The following RGS6 variants were observed in gnomAD, a reference collection of about 807,000 sequenced individuals.
The protein encoded by RGS6 is regulator of G protein signaling 6.
Under a neutral mutation model 78.5 loss-of-function variants are expected in RGS6, and 30 were observed. The ratio of observed to expected loss-of-function variants is 0.38; its 90% confidence interval spans 0.29 to 0.52. The LOEUF (loss-of-function observed/expected upper bound fraction) is 0.52. Ranked by LOEUF, RGS6 falls within the 20% of genes least tolerant of loss-of-function variation. The pLI, the probability that RGS6 is intolerant of heterozygous loss-of-function variation, is 0.85. For missense variants in RGS6, 495 were observed against 609.7 expected (o/e 0.81, Z 1.98); for synonymous variants, 206 against 206.0 (o/e 1.00, Z 0.00).
the RGS6 span, among the ~76,000 whole-genome samples, chr14:71,896,663 C>T: frequency 3.9e-5 from 6 of 152,150 alleles, no homozygotes; most frequent in African/African-American, 1.4e-4. Flanking sequence ...CTGACAAATG[C>T]CTCTGACAAA....
At chr14:72,230,495 A>G (rs2049278035) in intron 2 of RGS6, among the ~76,000 whole-genome samples, 1 of 152,202 alleles carries the variant, frequency 6.6e-6, no homozygotes, top group Non-Finnish European at 1.5e-5. Context: ...AGGACTGCTA[A>G]GAGATATTGA....
chr14:71,947,355 C>A (rs994565174), intron 1 of RGS6, among the ~76,000 whole-genome samples: 2 of 152,172 alleles, frequency 1.3e-5, no homozygotes, highest in African/African-American at 4.8e-5. Context: ...GCTGCCAATT[C>A]CAGGTTTTCA....
chr14:72,456,954 T>A (rs1183571982), intron 4 of RGS6, among the ~76,000 whole-genome samples: 1 of 151,724 alleles, frequency 6.6e-6, no homozygotes, highest in Non-Finnish European at 1.5e-5. Flanking sequence ...CGTGGTGGCA[T>A]GTGCCTGTGG....
chr14:72,131,888 C>T (rs890961020), intron 2 of RGS6, among the ~76,000 whole-genome samples: 4 of 152,200 alleles, frequency 2.6e-5, no homozygotes, highest in Admixed American at 2.6e-4. Flanking sequence ...TGGGGCTAGG[C>T]TCCACAAAGT....
intron 2 of RGS6, among the ~76,000 whole-genome samples, chr14:72,323,885 CTTTT>C (rs1341715508): frequency 8.2e-6 from 1 of 122,108 alleles, no homozygotes; most frequent in Non-Finnish European, 1.7e-5. Context: ...GTCTCCATAT[CTTTT>C]TTTATTTTTA....
At chr14:72,332,962 A>G (rs1439494596) in intron 2 of RGS6, among the ~76,000 whole-genome samples, 1 of 152,220 alleles carries the variant, frequency 6.6e-6, no homozygotes, top group Non-Finnish European at 1.5e-5. Flanking sequence ...CCTCATGGTT[A>G]TATAGCTAGT....
chr14:72,212,190 C>T (rs1258854050), intron 2 of RGS6, among the ~76,000 whole-genome samples: 1 of 152,134 alleles, frequency 6.6e-6, no homozygotes, highest in Non-Finnish European at 1.5e-5. Flanking sequence ...CACACAGCTC[C>T]CTTTGTGTCC....
At chr14:72,581,264 T>A in the RGS6 span, among the ~76,000 whole-genome samples, 1 of 152,202 alleles carries the variant, frequency 6.6e-6, no homozygotes, top group African/African-American at 2.4e-5. Flanking sequence ...GGGTTCCTTG[T>A]CTTACTTCAT....
intron 3 of RGS6, among the ~76,000 whole-genome samples, chr14:72,394,637 A>T (rs1374692669): frequency 1.3e-5 from 2 of 152,192 alleles, no homozygotes; most frequent in Non-Finnish European, 2.9e-5. Flanking sequence ...ACCAGACCTA[A>T]TGGTTATCTC....
At chr14:72,382,010 C>T (rs2086267090) in intron 3 of RGS6, among the ~76,000 whole-genome samples, 1 of 151,742 alleles carries the variant, frequency 6.6e-6, no homozygotes, top group African/African-American at 2.4e-5. Flanking sequence ...ACTGGATATC[C>T]AGATGCAGAA....
chr14:72,118,798 C>T (rs1567241433), intron 2 of RGS6, among the ~76,000 whole-genome samples: 2 of 152,160 alleles, frequency 1.3e-5, no homozygotes, highest in Admixed American at 6.6e-5. Context: ...GAAAATGTTA[C>T]ACTTTTTAGT....
At chr14:72,377,200 A>G (rs1355211115) in intron 3 of RGS6, among the ~76,000 whole-genome samples, 1 of 152,226 alleles carries the variant, frequency 6.6e-6, no homozygotes, top group Admixed American at 6.5e-5. Flanking sequence ...AAGTGAAGTG[A>G]TGGAAAAAGA....
chr14:71,981,889 T>C (rs4433748), intron 2 of RGS6, among the ~76,000 whole-genome samples: 133,964 of 142,796 alleles, frequency 0.94, 62,988 homozygotes, highest in East Asian at 0.99. Context: ...CCCAGCCTCG[T>C]TGCCGCCTTG....
the RGS6 span, among the ~76,000 whole-genome samples, chr14:71,879,801 C>T: frequency 1.3e-5 from 2 of 152,156 alleles, no homozygotes; most frequent in African/African-American, 2.4e-5. Context: ...TGAGAACCAA[C>T]TAATACAGTC....
Position 72,331,548 on chromosome 14 carries a change from C to T in RGS6, c.85-20547C>T, listed in dbSNP as rs78927716. ...ACTTGGTGTCGGCCGGGAGCTGCCT[C>T]ACCTGGGGCTCCAGGGTCCCTTTGA... On this transcript the variant is annotated intron_variant, in intron 2 of 17. Coordinates refer to ENST00000553525, the MANE Select transcript of RGS6 (RefSeq NM_001204424.2). 2.9e-3 allele frequency among the ~76,000 whole-genome samples: 440 copies of T among 152,336 alleles called. 2 individuals are homozygous for T. Among genetic ancestry groups the T allele is most frequent in the African/African-American group, 0.01 (422 of 41,564 alleles).
At chr14:72,508,562 C>CTTTTTTTTTTTTTTT (rs61097187) in intron 13 of RGS6, among the ~76,000 whole-genome samples, 1 of 56,460 alleles carries the variant, frequency 1.8e-5, no homozygotes, top group Non-Finnish European at 2.9e-5. Context: ...ACACAAGCTC[C>CTTTTTTTTTTTTTTT]TTTTTTTTTT....
the RGS6 span, among the ~76,000 whole-genome samples, chr14:72,581,801 C>T: frequency 1.3e-5 from 2 of 152,230 alleles, no homozygotes; most frequent in Admixed American, 6.5e-5. Context: ...ATTCCTCTTT[C>T]CTCCAAACTT....
chr14:71,980,680 T>G, intron 2 of RGS6, among the ~76,000 whole-genome samples: 1 of 81,650 alleles, frequency 1.2e-5, no homozygotes, highest in Non-Finnish European at 2.4e-5. Context: ...CCTTTCTCTC[T>G]GGCTGCCCTT....
At position 72,017,435 on chromosome 14, in the gene RGS6, A is replaced by T. The variant is rs532723365; in HGVS notation, c.84+52560A>T. Among the ~76,000 whole-genome samples, 7 of 151,980 alleles carry T rather than the reference A, an allele frequency of 4.6e-5. No homozygotes were observed. The South Asian group carries it at 1.5e-3, about 32-fold the overall frequency. On this transcript the variant is annotated intron_variant, in intron 2 of 17. Transcript: ENST00000553525. ...GCATTCACTTCTTTTTCTTGTCTTG[A>T]TGTACTGACTTGGACTTTCATGATA...
Sources: gnomAD v4.1 joint callset for allele counts (sites outside exome capture counted in the v4.1 genomes callset) on GRCh38, gnomAD v4.1.1 for gene constraint, MANE v1.5 for transcripts, NCBI Gene and HGNC (gene_info 2026-07-23, HGNC 2026-07-21) for gene names.